CDH12: variants seen among roughly 807,000 people sequenced by gnomAD.
CDH12 encodes the protein cadherin 12.
CDH12 carries 41 observed loss-of-function variants against 74.1 expected under a neutral mutation model. The ratio of observed to expected loss-of-function variants is 0.55; its 90% CI spans 0.43 to 0.72. The LOEUF (loss-of-function observed/expected upper bound fraction) is 0.72. Among genes scored for constraint, CDH12 ranks in the 30% least tolerant of loss-of-function variants. The pLI is 0.00. For missense variants in CDH12, 945 were observed against 977.2 expected (o/e 0.97, Z 0.44); for synonymous variants, 399 against 355.0 (o/e 1.12, Z -1.39).
intron 4 of CDH12, among the ~76,000 whole-genome samples, chr5:22,147,858 A>G (rs1747308788): frequency 6.6e-6 from 1 of 152,166 alleles, no homozygotes. Flanking sequence ...GGGAGCTACA[A>G]TTCGAGATAA....
intron 8 of CDH12, among the ~76,000 whole-genome samples, chr5:21,823,416 AG>A (rs1748479814): frequency 6.6e-6 from 1 of 152,146 alleles, no homozygotes; most frequent in African/African-American, 2.4e-5. Context: ...AAGCACCTCT[AG>A]TATATTAACC....
chr5:21,944,159 C>A (rs1755464512), intron 6 of CDH12, among the ~76,000 whole-genome samples: 1 of 152,082 alleles, frequency 6.6e-6, no homozygotes, highest in Admixed American at 6.6e-5. Flanking sequence ...GTATCAGTAG[C>A]TAATATTAGA....
At chr5:22,244,314 AC>A (rs553726378) in intron 3 of CDH12, among the ~76,000 whole-genome samples, 1 of 151,444 alleles carries the variant, frequency 6.6e-6, no homozygotes, top group Non-Finnish European at 1.5e-5. Flanking sequence ...ACATGGTGAA[AC>A]CCTTTCTCTC....
chr5:22,095,237 C>T (rs780079002), intron 4 of CDH12, among the ~76,000 whole-genome samples: 3 of 152,296 alleles, frequency 2.0e-5, no homozygotes, highest in Non-Finnish European at 2.9e-5. Flanking sequence ...ACTTCTCCAA[C>T]GTCTCTCACT....
intron 8 of CDH12, among the ~76,000 whole-genome samples, chr5:21,819,172 C>T (rs1405411160): frequency 6.6e-6 from 1 of 151,910 alleles, no homozygotes; most frequent in Admixed American, 6.6e-5. Context: ...ATTACATAAG[C>T]AGAATCTATC....
intron 5 of CDH12, among the ~76,000 whole-genome samples, chr5:22,013,759 G>T (rs1355423639): frequency 6.6e-6 from 1 of 152,130 alleles, no homozygotes; most frequent in Admixed American, 6.6e-5. Context: ...GATTGATTTA[G>T]ATATAAATGA....
At chr5:22,076,767 T>C (rs1007213448) in intron 5 of CDH12, among the ~76,000 whole-genome samples, 3 of 152,146 alleles carry the variant, frequency 2.0e-5, no homozygotes, top group Admixed American at 1.3e-4. Context: ...TTGGAGTGAC[T>C]TCCTCAAAAT....
chr5:22,808,190 T>G (rs1748917107), intron 1 of CDH12, among the ~76,000 whole-genome samples: 1 of 152,206 alleles, frequency 6.6e-6, no homozygotes, highest in Admixed American at 6.5e-5. Flanking sequence ...ATTTGAACAT[T>G]ATTAGAATTA....
rs564480088 is a variant in CDH12 at position 21,928,243 on chromosome 5, G to T, written c.526+46848C>A. On this transcript the variant is annotated intron_variant, in intron 6 of 14. Transcript: ENST00000382254. ...GACCTAGAGCGGGCTTCAAGGTAAAGTTTCCAGTATTTTGAAAGGCTTTAG... is the reference window on the plus strand; with the variant it reads ...GACCTAGAGCGGGCTTCAAGGTAAATTTTCCAGTATTTTGAAAGGCTTTAG... 2.0e-5 allele frequency among the ~76,000 whole-genome samples: 3 copies of T among 152,058 alleles called. No individual in the cohort carries two copies. The East Asian group carries it at 5.8e-4, about 30-fold the overall frequency.
chr5:21,880,634 T>TC (rs1752272896), intron 6 of CDH12, among the ~76,000 whole-genome samples: 1 of 104,380 alleles, frequency 9.6e-6, no homozygotes, highest in African/African-American at 3.5e-5. Context: ...TTTCTTTCTT[T>TC]CTTTCTTTCT....
intron 1 of CDH12, among the ~76,000 whole-genome samples, chr5:22,742,857 G>A (rs1002421023): frequency 6.6e-6 from 1 of 151,932 alleles, no homozygotes; most frequent in Non-Finnish European, 1.5e-5. Context: ...CTGGGCCACA[G>A]GGTGCCTAGA....
At chr5:21,983,721 T>G (rs887132031) in intron 5 of CDH12, among the ~76,000 whole-genome samples, 1 of 152,176 alleles carries the variant, frequency 6.6e-6, no homozygotes, top group East Asian at 1.9e-4. Flanking sequence ...ACATCTTCAA[T>G]GTATCATATA....
chr5:21,883,184 C>T, intron 6 of CDH12: 1 of 1,463,082 alleles, frequency 6.8e-7, no homozygotes, highest in South Asian at 1.1e-5. Flanking sequence ...GAAAGGGTGT[C>T]ATCACAGTAA....
intron 1 of CDH12, among the ~76,000 whole-genome samples, chr5:22,529,087 G>GTA (rs1737429195): frequency 3.8e-5 from 4 of 106,190 alleles, no homozygotes; most frequent in Admixed American, 1.5e-4. Context: ...ATATATGCAT[G>GTA]CAAAACATGA....
chr5:22,026,269 G>A lies in CDH12; in HGVS notation c.232-50884C>T, dbSNP rs189131518. Among the ~76,000 whole-genome samples the A allele has an allele frequency of 4.6e-5, 7 of 152,296 alleles. No individual in the cohort carries two copies. The East Asian group carries it at 1.4e-3, about 29-fold the overall frequency. The stretch of plus-strand genomic sequence containing the variant: ...AACTGGTTAGACATGATCCCTAGTG[G>A]AAAGGAACTGTTACAGCAGGCTGTG... On this transcript the variant is annotated intron_variant, in intron 5 of 14. Transcript: ENST00000382254.
intron 6 of CDH12, among the ~76,000 whole-genome samples, chr5:21,934,842 A>G (rs1755002989): frequency 6.6e-6 from 1 of 151,830 alleles, no homozygotes; most frequent in Non-Finnish European, 1.5e-5. Flanking sequence ...GCTGGAGTGC[A>G]GTGGCGCGAT....
At chr5:22,580,226 A>G in intron 1 of CDH12, 1 of 302,806 alleles carries the variant, frequency 3.3e-6, no homozygotes, top group South Asian at 3.0e-5. Flanking sequence ...AATAATGGTC[A>G]ATCTTCTAAC....
At chr5:22,083,289 CTTCCT>C (rs1245358664) in intron 4 of CDH12, among the ~76,000 whole-genome samples, 3 of 152,188 alleles carry the variant, frequency 2.0e-5, no homozygotes, top group Non-Finnish European at 2.9e-5. Context: ...TTGCCATTCT[CTTCCT>C]TTCCTGAGTC....
chr5:21,996,651 G>C lies in CDH12; in HGVS notation c.232-21266C>G, dbSNP rs577653049. Among the ~76,000 whole-genome samples the C allele has an allele frequency of 6.6e-5, 10 of 152,142 alleles. No homozygotes were observed. In the South Asian group the frequency reaches 2.1e-3, roughly 32 times the overall value. ...TTGGGCTAGATGGCTCATTATAGGG[G>C]CCTTTTAATGTTTCATAAATCAAAA... On this transcript the variant is annotated intron_variant, in intron 5 of 14. Coordinates refer to ENST00000382254, the MANE Select transcript of CDH12 (RefSeq NM_004061.5).
Sources: gnomAD v4.1 joint callset for allele counts (sites outside exome capture counted in the v4.1 genomes callset) on GRCh38, gnomAD v4.1.1 for gene constraint, MANE v1.5 for transcripts, NCBI Gene and HGNC (gene_info 2026-07-23, HGNC 2026-07-21) for gene names.